Variants in SARS2 observed in about 807,000 individuals in gnomAD.
The protein encoded by SARS2 is serine--tRNA ligase, mitochondrial.
SARS2 carries 52 observed loss-of-function variants against 66.8 expected under a neutral mutation model. The observed-to-expected ratio is 0.78, with a 90% CI of 0.62 to 0.98. The LOEUF is 0.98. Ranked by LOEUF, SARS2 falls within the 50% of genes least tolerant of loss-of-function variation. SARS2 has a pLI of 0.00. For synonymous variants in SARS2, 306 were observed against 281.4 expected (o/e 1.09, Z -0.87); for missense variants, 673 against 706.3 (o/e 0.95, Z 0.53).
chr19:38,922,034 G>A, intron 3 of SARS2: 1 of 1,554,180 alleles, frequency 6.4e-7, no homozygotes, highest in Non-Finnish European at 8.7e-7. Context: ...GGAATGGGAG[G>A]AACGTAGGAC....
chr19:38,918,835 T>C, intron 7 of SARS2, 22 bp from the exon 8 acceptor site: 1 of 1,555,104 alleles, frequency 6.4e-7, no homozygotes, highest in Non-Finnish European at 8.7e-7. Context: ...AGAGGATGAG[T>C]GAGCAGAGCT....
At chr19:38,920,233 A>G in intron 5 of SARS2, 84 bp from the exon 6 acceptor site, 1 of 1,088,878 alleles carries the variant, frequency 9.2e-7, no homozygotes, top group African/African-American at 1.6e-5. Flanking sequence ...GACAGCAGAG[A>G]GGAGGGACGG....
At position 38,915,906 on chromosome 19, in the gene SARS2, C is replaced by G. The variant is rs776242585; in HGVS notation, c.1348G>C (p.Val450Leu). Residue 450 changes from valine to leucine, a missense_variant and splice_region_variant, in exon 15 of 16, where the codon GTG becomes CTG. Coordinates refer to ENST00000221431, the MANE Select transcript of SARS2 (RefSeq NM_017827.4). ...GGGACAGCACAGGCGGTGGCGTTCA[C>G]CTGTGAGACAGCCATGCTCGGAACT... is the stretch of plus-strand genomic sequence containing the variant. Reference protein sequence around the residue: ...EAGELQFAHTVNATACAVPRL... With the variant: ...EAGELQFAHTLNATACAVPRL... 3 of 1,613,720 alleles carry G rather than the reference C, an allele frequency of 1.9e-6. No homozygotes were observed. In the African/African-American group the frequency reaches 4.0e-5, roughly 22 times the overall value.
rs139505889 is a variant in SARS2, at chr19:38,920,003, C to T, written c.653+83G>A. The T allele has an allele frequency of 1.1e-3, 1,525 of 1,406,050 alleles. 15 individuals carry two copies. In the African/African-American group the frequency reaches 0.019, roughly 18 times the overall value. 87.1% of individuals were successfully genotyped at this position (1,406,050 alleles called of 1,614,324 possible). On this transcript the variant is annotated intron_variant, in intron 6 of 15. Transcript: ENST00000221431. ...AGATTCATGGCATTTCCACATCTCA[C>T]GCTGAGGCCAATGAGGCAGGAGCCA...
rs1394119708 is a variant in SARS2 at position 38,915,740 on chromosome 19, C to A, written c.1423G>T (p.Val475Leu). Reference sequence around the variant, plus strand: ...GACTGGAGGGCAGGGGGCACGAGCACTGAGCCGTCCTGGGGACAGAGCAGA... The same window carrying A: ...GACTGGAGGGCAGGGGGCACGAGCAATGAGCCGTCCTGGGGACAGAGCAGA... Reference protein sequence around the residue: ...LESNQQKDGSVLVPPALQSYL... With the variant: ...LESNQQKDGSLLVPPALQSYL... Residue 475 changes from valine to leucine, a missense_variant, in exon 16 of 16, where the codon GTG becomes TTG. Val to Leu is a conservative substitution (Grantham distance 32). Coordinates refer to ENST00000221431, the MANE Select transcript of SARS2 (RefSeq NM_017827.4). The A allele has an allele frequency of 6.2e-7, 1 of 1,613,242 alleles. No homozygotes were observed. Among genetic ancestry groups the A allele is most frequent in the Admixed American group, 1.7e-5 (1 of 60,020 alleles).
chr19:38,915,644 G>C lies in SARS2; in HGVS notation c.1519C>G (p.Arg507Gly), dbSNP rs143316017. The change falls in exon 16 of 16, where the codon CGG (arginine) becomes GGG (glycine). Residue 507 changes from arginine to glycine, a missense_variant. Physicochemically the swap from Arg to Gly is moderately radical, Grantham distance 125 (BLOSUM62 -2). Transcript: ENST00000221431. ...PLQYIGPNQP[R>G]KPGLPGQPAV... ...GGCTGGCCAGGCAGCCCAGGCTTCC[G>C]GGGCTGGTTGGGGCCGATGTACTGG... is the stretch of plus-strand genomic sequence containing the variant. 8.7e-6 allele frequency: 14 copies of C among 1,610,686 alleles called. No homozygotes were observed. Among genetic ancestry groups the C allele is most frequent in the Non-Finnish European group, 1.1e-5 (13 of 1,178,010 alleles).
In SARS2 at chr19:38,930,580, T is replaced by C. The variant is rs777325646; in HGVS notation, c.157A>G (p.Ser53Gly). 1.2e-6 allele frequency: 2 copies of C among 1,614,044 alleles called. No homozygotes were observed. Among genetic ancestry groups the C allele is most frequent in the South Asian group, 2.2e-5 (2 of 91,092 alleles). ...LLYEYAREGY[S>G]ALPQLDIERF... ...TCTATGTCCAGCTGAGGGAGTGCGC[T>C]GTAGCCCTCGCGCGCATACTCGTAC... The change falls in exon 1 of 16, where the codon AGC becomes GGC. Residue 53 changes from serine to glycine, a missense_variant. Coordinates refer to ENST00000221431, the MANE Select transcript of SARS2 (RefSeq NM_017827.4).
rs112180931 is a variant in SARS2, at chr19:38,917,640, C to A, written c.1160+84G>T. Reference sequence around the variant, plus strand: ...CAACGAGGGGGCTGGAGAGGTGGTTCCAGAGCGAAGAGCAGCTGGCCAGCC... The same window carrying A: ...CAACGAGGGGGCTGGAGAGGTGGTTACAGAGCGAAGAGCAGCTGGCCAGCC... On this transcript the variant is annotated intron_variant, in intron 12 of 15. Coordinates refer to ENST00000221431, the MANE Select transcript of SARS2 (RefSeq NM_017827.4). 1.5e-5 allele frequency: 13 copies of A among 887,154 alleles called. 1 individual carries two copies. Among genetic ancestry groups the A allele is most frequent in the Admixed American group, 1.8e-5 (1 of 56,440 alleles). The allele number at this position is 887,154 out of a possible 1,614,324, so 55.0% of individuals were successfully genotyped here.
intron 2 of SARS2, among the ~76,000 whole-genome samples, chr19:38,924,273 A>G (rs556043916): frequency 2.2e-4 from 34 of 152,278 alleles, no homozygotes; most frequent in African/African-American, 7.7e-4. Flanking sequence ...CATGATCCTA[A>G]GCAGCTGAGG....
At chr19:38,921,331 G>C in intron 5 of SARS2, 61 bp downstream of exon 5, 12 of 1,549,804 alleles carry the variant, frequency 7.7e-6, no homozygotes, top group South Asian at 1.1e-5. Flanking sequence ...CCCCCACCCC[G>C]AGACCCCAGA....
intron 1 of SARS2, among the ~76,000 whole-genome samples, chr19:38,927,208 G>A (rs953744578): frequency 2.0e-5 from 3 of 152,062 alleles, no homozygotes; most frequent in Middle Eastern, 3.2e-3. Context: ...AAAGTGCTGG[G>A]ATTGCAGGTG....
intron 1 of SARS2, among the ~76,000 whole-genome samples, chr19:38,929,417 GT>G (rs1319154923): frequency 5.3e-5 from 8 of 151,892 alleles, no homozygotes; most frequent in African/African-American, 1.9e-4. Context: ...TTAGCCGGGC[GT>G]GGTGGTGTCT....
At chr19:38,917,697 C>G in intron 12 of SARS2, 27 bp downstream of exon 12, 1 of 933,404 alleles carries the variant, frequency 1.1e-6, no homozygotes, top group Non-Finnish European at 1.7e-6. Context: ...CCCCTGCCAT[C>G]CCTGGATCCC....
chr19:38,930,477 G>C lies in SARS2; in HGVS notation c.260C>G (p.Pro87Arg). The C allele has an allele frequency of 6.3e-7, 1 of 1,597,142 alleles. No homozygotes were observed. The highest frequency in any genetic ancestry group is 8.5e-7 in the Non-Finnish European group (1 of 1,170,036). ...RKGELRSADL[P>R]AIISTWQELR... ...CGGCGCAGGCGCACTCACGATCGCGGGCAGGTCCGCCGAGCGCAGCTCCCC... is the reference window on the plus strand; with the variant it reads ...CGGCGCAGGCGCACTCACGATCGCGCGCAGGTCCGCCGAGCGCAGCTCCCC... The change falls in exon 1 of 16, where the codon CCC becomes CGC. Residue 87 changes from proline (P) to arginine (R), a missense_variant. Coordinates refer to ENST00000221431, the MANE Select transcript of SARS2 (RefSeq NM_017827.4).
At chr19:38,924,925 T>C (rs1974602626) in intron 2 of SARS2, among the ~76,000 whole-genome samples, 1 of 152,216 alleles carries the variant, frequency 6.6e-6, no homozygotes, top group Admixed American at 6.5e-5. Context: ...ACACCTGGTA[T>C]GGTGTGTAGC....
chr19:38,927,994 C>T (rs1343108672), intron 1 of SARS2, among the ~76,000 whole-genome samples: 1 of 152,228 alleles, frequency 6.6e-6, no homozygotes, highest in Non-Finnish European at 1.5e-5. Context: ...GACTGCACCA[C>T]TGCACTCTAG....
At chr19:38,918,643 C>T (rs950694763) in intron 8 of SARS2, 113 bp from the exon 9 acceptor site, 5 of 1,385,224 alleles carry the variant, frequency 3.6e-6, no homozygotes, top group Non-Finnish European at 5.0e-6. Context: ...CCCTGGCCTC[C>T]CTGGTATGGC....
In SARS2 at chr19:38,916,067, G is replaced by A. The variant is rs556892787; in HGVS notation, c.1317C>T (p.Thr439=). ...GGGCAAACTGCAGCTCCCCAGCCTC[G>A]GTCTGGAACATGATGTGGAGGCGGC... ...QSRRLHIMFQ[T]EAGELQFAHT... The change falls in exon 14 of 16, where the codon ACC becomes ACT. Residue 439 remains threonine (T), a synonymous_variant. Transcript: ENST00000221431. 212 of 1,613,826 alleles carry A rather than the reference G, an allele frequency of 1.3e-4. No individual in the cohort carries two copies. Among genetic ancestry groups the A allele is most frequent in the Middle Eastern group, 5.0e-4 (3 of 6,030 alleles).
intron 2 of SARS2, among the ~76,000 whole-genome samples, chr19:38,926,003 A>G (rs1226715936): frequency 6.6e-6 from 1 of 152,080 alleles, no homozygotes; most frequent in East Asian, 1.9e-4. Flanking sequence ...TTTAGTAGAG[A>G]TGGGGTTTCA....
Sources: allele counts gnomAD v4.1 joint callset (sites outside exome capture counted in the v4.1 genomes callset), GRCh38; gene constraint gnomAD v4.1.1; transcripts MANE v1.5; gene names NCBI Gene and HGNC (gene_info 2026-07-23, HGNC 2026-07-21).